The following ASXL2 variants were observed in gnomAD, a reference collection of about 807,000 sequenced individuals.
ASXL2 encodes the protein ASXL transcriptional regulator 2.
In ASXL2, 23 loss-of-function variants were observed where a neutral mutation model predicts 122.0. The observed-to-expected ratio is 0.19, with a 90% CI of 0.14 to 0.27. ASXL2 has a LOEUF of 0.27. ASXL2 is among the 10% of genes least tolerant of loss of function. ASXL2 has a pLI of 1.00. For synonymous variants in ASXL2, 650 were observed against 637.0 expected (o/e 1.02, Z -0.31); for missense variants, 1,518 against 1,713.8 (o/e 0.89, Z 2.02).
chr2:25,819,655 G>T (rs2089283072), intron 3 of ASXL2, among the ~76,000 whole-genome samples: 1 of 152,168 alleles, frequency 6.6e-6, no homozygotes, highest in Non-Finnish European at 1.5e-5. Context: ...TAAAAAAAAT[G>T]TCTAGTCATG....
intron 5 of ASXL2, among the ~76,000 whole-genome samples, chr2:25,788,527 T>C (rs1168632141): frequency 6.6e-6 from 1 of 152,002 alleles, no homozygotes; most frequent in South Asian, 2.1e-4. Flanking sequence ...TCCAAAGTAG[T>C]TGTACTAGTT....
chr2:25,859,481 G>GT (rs2149199337), intron 1 of ASXL2, among the ~76,000 whole-genome samples: 1 of 152,164 alleles, frequency 6.6e-6, no homozygotes, highest in East Asian at 1.9e-4. Flanking sequence ...ATAAAGCAAC[G>GT]TATCAAAGAA....
chr2:25,810,731 G>T (rs1045416199), intron 3 of ASXL2: 1 of 608,054 alleles, frequency 1.6e-6, no homozygotes, highest in South Asian at 1.5e-5. Context: ...TCTCACCAGT[G>T]TATCAAGTCT....
intron 1 of ASXL2, among the ~76,000 whole-genome samples, chr2:25,860,350 A>G (rs1475798254): frequency 1.3e-5 from 2 of 151,900 alleles, no homozygotes; most frequent in African/African-American, 2.4e-5. Context: ...ATATATATAT[A>G]ACATCAAAGC....
chr2:25,821,548 G>A (rs1000972721), intron 3 of ASXL2, among the ~76,000 whole-genome samples: 11 of 151,416 alleles, frequency 7.3e-5, no homozygotes, highest in Non-Finnish European at 2.9e-5. Flanking sequence ...CAGATCACTC[G>A]AGGTCAGGAG....
rs1188403323 is a variant in ASXL2 at position 25,744,520 on chromosome 2, AT to A, written c.1861-45del. On this transcript the variant is annotated intron_variant, in intron 12 of 12. Transcript: ENST00000435504. The surrounding 1 kb of genome is among the most constrained non-coding windows in gnomAD (Gnocchi z 4.7). ...AAAAAAACAACAGAGCTTAGTTTTC[AT>A]TTGTAAGAATAACAAAACTTCATTA... The A allele has an allele frequency of 6.5e-7, 1 of 1,538,304 alleles. No homozygotes were observed. Among genetic ancestry groups the A allele is most frequent in the African/African-American group, 1.4e-5 (1 of 72,022 alleles).
At chr2:25,818,071 T>C (rs530576847) in intron 3 of ASXL2, among the ~76,000 whole-genome samples, 5 of 152,394 alleles carry the variant, frequency 3.3e-5, no homozygotes, top group African/African-American at 9.6e-5. Flanking sequence ...TGATGGTAAC[T>C]TGAAAGTCTG....
At chr2:25,877,771 C>T (rs1347174038) in intron 1 of ASXL2, among the ~76,000 whole-genome samples, 1 of 152,220 alleles carries the variant, frequency 6.6e-6, no homozygotes, top group Non-Finnish European at 1.5e-5. Flanking sequence ...TGGATGCACG[C>T]ACAAGCCTTC....
chr2:25,799,353 T>C (rs1574422428), intron 5 of ASXL2, 32 bp downstream of exon 5: 1 of 1,613,814 alleles, frequency 6.2e-7, no homozygotes, highest in Non-Finnish European at 8.5e-7. Context: ...CTACAGCATT[T>C]AGTACTTTAT....
intron 3 of ASXL2, among the ~76,000 whole-genome samples, chr2:25,833,340 G>A (rs759016334): frequency 2.4e-4 from 37 of 152,122 alleles, no homozygotes; most frequent in Non-Finnish European, 5.0e-4. Flanking sequence ...TTTCTATAGT[G>A]AGCAATGGAC....
intron 9 of ASXL2, among the ~76,000 whole-genome samples, chr2:25,756,518 T>G (rs2088139338): frequency 6.9e-6 from 1 of 145,402 alleles, no homozygotes; most frequent in South Asian, 2.2e-4. Context: ...TAAATGTAAA[T>G]TTTAAGTCAA....
At chr2:25,797,034 G>C (rs2088921202) in intron 5 of ASXL2, among the ~76,000 whole-genome samples, 1 of 152,262 alleles carries the variant, frequency 6.6e-6, no homozygotes, top group South Asian at 2.1e-4. Flanking sequence ...GTTTTATGAT[G>C]ACTTTTAGAT....
chr2:25,839,614 CTTTT>C (rs35346359), intron 2 of ASXL2, among the ~76,000 whole-genome samples: 5 of 106,948 alleles, frequency 4.7e-5, no homozygotes, highest in Admixed American at 2.1e-4. Flanking sequence ...GAAATTCTAT[CTTTT>C]TTTTTTTTTT....
At chr2:25,818,045 A>T (rs1311168783) in intron 3 of ASXL2, among the ~76,000 whole-genome samples, 1 of 152,276 alleles carries the variant, frequency 6.6e-6, no homozygotes, top group East Asian at 1.9e-4. Flanking sequence ...TTAATATAAA[A>T]GCATTTTCAG....
chr2:25,742,676 A>G lies in ASXL2; in HGVS notation c.3661T>C (p.Ser1221Pro). Residue 1221 changes from serine (S) to proline (P), a missense_variant, in exon 13 of 13, where the codon TCT becomes CCT. Ser to Pro is a moderately conservative substitution (Grantham distance 74). Transcript: ENST00000435504. ...TTGCTAGCTAAGCAATCACTGGTAG[A>G]TAGAGTTTCCCTGCTGTGAGGTCCT... ...SSGPHSRETL[S>P]TSDCLASKNV... The G allele has an allele frequency of 8.7e-6, 14 of 1,613,998 alleles. No individual in the cohort carries two copies. The highest frequency in any genetic ancestry group is 1.2e-5 in the Non-Finnish European group (14 of 1,179,890).
chr2:25,799,965 T>C (rs1018496357), intron 4 of ASXL2, among the ~76,000 whole-genome samples: 2 of 137,754 alleles, frequency 1.5e-5, no homozygotes. Flanking sequence ...GGCAACATGG[T>C]GAAACCCGTC....
At chr2:25,855,845 A>G (rs1330008829) in intron 1 of ASXL2, among the ~76,000 whole-genome samples, 5 of 151,348 alleles carry the variant, frequency 3.3e-5, no homozygotes, top group Non-Finnish European at 4.4e-5. Flanking sequence ...CAAAAAAAAA[A>G]AAAAGAGAGA....
chr2:25,780,877 G>A (rs1457199650), intron 5 of ASXL2, among the ~76,000 whole-genome samples: 3 of 151,606 alleles, frequency 2.0e-5, no homozygotes, highest in Non-Finnish European at 2.9e-5. Flanking sequence ...CACGAGGTCA[G>A]GAGATCGAGA....
chr2:25,771,564 A>G (rs1171467705), intron 5 of ASXL2, 24 bp from the exon 6 acceptor site: 4 of 1,587,732 alleles, frequency 2.5e-6, no homozygotes, highest in Non-Finnish European at 3.4e-6. Context: ...AGTGACAATA[A>G]AAGATTTTTG....
Sources: gnomAD v4.1 joint callset for allele counts (sites outside exome capture counted in the v4.1 genomes callset) on GRCh38, gnomAD v4.1.1 for gene constraint, Gnocchi (gnomAD v3.1) non-coding constraint, MANE v1.5 for transcripts, NCBI Gene and HGNC (gene_info 2026-07-23, HGNC 2026-07-21) for gene names.